The following PCDH15 variants were observed in gnomAD, a reference collection of about 807,000 sequenced individuals.
PCDH15 encodes the protein protocadherin related 15, also known as protocadherin-15.
Under a neutral mutation model 178.5 loss-of-function variants are expected in PCDH15, and 129 were observed. The observed-to-expected ratio is 0.72, with a 90% CI of 0.63 to 0.84. The LOEUF (loss-of-function observed/expected upper bound fraction) is 0.84, where lower values mean the gene tolerates loss of function less well. PCDH15 is among the 40% of genes least tolerant of loss of function. The pLI is 0.00. For synonymous variants in PCDH15, 800 were observed against 732.0 expected (o/e 1.09, Z -1.50); for missense variants, 2,230 against 2,099.9 (o/e 1.06, Z -1.21).
At chr10:54,189,925 A>ATGTG (rs57024579) in intron 11 of PCDH15, among the ~76,000 whole-genome samples, 13,291 of 141,394 alleles carry the variant, frequency 0.094, 646 homozygotes, top group Non-Finnish European at 0.12. Context: ...ATGCATGTGT[A>ATGTG]TGTGTGTGTG....
Position 54,442,417 on chromosome 10 carries a change from TATATATATATA to T in PCDH15, c.158-63486_158-63476del, listed in dbSNP as rs2075858795. ...AAAAAAAAAAAGGCCTTAAAGGCTA[TATATATATATA>T]TATATATATATATATATATATATAT... On this transcript the variant is annotated intron_variant, in intron 3 of 37. Coordinates refer to ENST00000644397, the MANE Select transcript of PCDH15 (RefSeq NM_001384140.1). Among the ~76,000 whole-genome samples the T allele has an allele frequency of 2.4e-3, 144 of 60,738 alleles. 10 individuals are homozygous for T. Among genetic ancestry groups the T allele is most frequent in the Middle Eastern group, 9.8e-3 (1 of 102 alleles). The allele number at this position is 60,738 out of a possible 152,430, so 39.8% of individuals were successfully genotyped here.
chr10:55,567,881 A>G (rs972443404), intron 2 of PCDH15, among the ~76,000 whole-genome samples: 2 of 151,978 alleles, frequency 1.3e-5, no homozygotes, highest in African/African-American at 4.8e-5. Flanking sequence ...GCCCATACCC[A>G]TTTAGGATGG....
intron 6 of PCDH15, 107 bp downstream of exon 6, chr10:54,346,258 C>T: frequency 9.5e-7 from 1 of 1,053,768 alleles, no homozygotes. Flanking sequence ...AGTATCATTA[C>T]TAATCTGGTT....
At chr10:54,822,406 G>A (rs1056807518) in intron 3 of PCDH15, among the ~76,000 whole-genome samples, 4 of 152,006 alleles carry the variant, frequency 2.6e-5, no homozygotes, top group Non-Finnish European at 4.4e-5. Context: ...CATGAGTCTC[G>A]CTTATTTCAC....
chr10:54,730,133 G>A (rs190216715), intron 1 of PCDH15, among the ~76,000 whole-genome samples: 15 of 151,644 alleles, frequency 9.9e-5, no homozygotes, highest in Admixed American at 8.6e-4. Context: ...TAGTAACGAA[G>A]ACATGGAATC....
chr10:54,713,700 T>A (rs2095448388), intron 1 of PCDH15, among the ~76,000 whole-genome samples: 1 of 152,124 alleles, frequency 6.6e-6, no homozygotes, highest in African/African-American at 2.4e-5. Context: ...CATTTTAATA[T>A]ATCTGGCCAT....
At chr10:53,955,326 A>G (rs930466817) in intron 23 of PCDH15, among the ~76,000 whole-genome samples, 2 of 152,200 alleles carry the variant, frequency 1.3e-5, no homozygotes, top group Admixed American at 6.5e-5. Flanking sequence ...GTTTCCTATT[A>G]CAGTGACCTA....
chr10:53,983,221 T>G (rs2090815647), intron 21 of PCDH15, among the ~76,000 whole-genome samples: 1 of 151,430 alleles, frequency 6.6e-6, no homozygotes, highest in South Asian at 2.1e-4. Context: ...GTGGTTTGGG[T>G]GTGTGTGTGT....
At chr10:54,943,427 T>A (rs749118857) in intron 2 of PCDH15, among the ~76,000 whole-genome samples, 10 of 152,000 alleles carry the variant, frequency 6.6e-5, no homozygotes, top group Non-Finnish European at 1.0e-4. Context: ...AGGAAGTGGG[T>A]ACTATTTTTA....
intron 3 of PCDH15, among the ~76,000 whole-genome samples, chr10:54,391,530 A>G (rs1219460225): frequency 2.0e-5 from 3 of 152,122 alleles, no homozygotes; most frequent in African/African-American, 7.2e-5. Context: ...TAGGGGAACT[A>G]TAAGAGGTAA....
intron 15 of PCDH15, among the ~76,000 whole-genome samples, chr10:54,125,637 C>T (rs893726626): frequency 1.3e-5 from 2 of 152,040 alleles, no homozygotes; most frequent in Admixed American, 6.5e-5. Context: ...GGTAGAACAG[C>T]TTGCATTCTA....
intron 25 of PCDH15, among the ~76,000 whole-genome samples, chr10:53,921,736 T>G (rs914291592): frequency 7.2e-5 from 11 of 152,154 alleles, no homozygotes; most frequent in African/African-American, 2.4e-4. Context: ...CTATTCAATT[T>G]CTCTCTTGCT....
chr10:54,748,198 A>G lies in PCDH15; in HGVS notation c.-29+52727T>C, dbSNP rs142075357. ...TTAGATTAATAGGATGCTTTGAGAA[A>G]ATAAACTTCATGTTACTTTTGAGAA... On this transcript the variant is annotated intron_variant, in intron 1 of 37. Coordinates refer to ENST00000644397, the MANE Select transcript of PCDH15 (RefSeq NM_001384140.1). 6.5e-3 allele frequency among the ~76,000 whole-genome samples: 983 copies of G among 152,346 alleles called. 1 individual carries two copies. The highest frequency in any genetic ancestry group is 8.0e-3 in the Non-Finnish European group (543 of 68,042).
At chr10:54,730,575 T>C (rs921681194) in intron 1 of PCDH15, among the ~76,000 whole-genome samples, 2 of 151,436 alleles carry the variant, frequency 1.3e-5, no homozygotes, top group Admixed American at 1.3e-4. Context: ...CATAAGAAAG[T>C]AATCAAAGTA....
intron 2 of PCDH15, among the ~76,000 whole-genome samples, chr10:55,103,534 T>C (rs1418287098): frequency 6.6e-6 from 1 of 152,200 alleles, no homozygotes; most frequent in Admixed American, 6.6e-5. Context: ...AAGTCATGTA[T>C]AACATCTGGA....
intron 4 of PCDH15, among the ~76,000 whole-genome samples, chr10:54,369,615 A>G (rs1947338664): frequency 6.6e-6 from 1 of 152,018 alleles, no homozygotes; most frequent in African/African-American, 2.4e-5. Flanking sequence ...TTTTAATTTG[A>G]AGAAAGTGTT....
At chr10:54,697,515 G>GTGTATATATATATATATATATATATATA (rs1555156234) in intron 1 of PCDH15, among the ~76,000 whole-genome samples, 9 of 143,048 alleles carry the variant, frequency 6.3e-5, no homozygotes, top group African/African-American at 2.4e-4. Context: ...TGAAATGTGT[G>GTGTATATATATATATATATATATATATA]TATATATATA....
chr10:54,855,429 TC>T (rs1307903977), intron 3 of PCDH15, among the ~76,000 whole-genome samples: 1 of 152,202 alleles, frequency 6.6e-6, no homozygotes, highest in African/African-American at 2.4e-5. Context: ...ATGGGGCCAC[TC>T]CTGATGGTTA....
At chr10:55,555,830 T>G (rs186953836) in intron 2 of PCDH15, among the ~76,000 whole-genome samples, 1 of 152,084 alleles carries the variant, frequency 6.6e-6, no homozygotes, top group Non-Finnish European at 1.5e-5. Flanking sequence ...GCCATACAGA[T>G]GATGAATAAA....
Sources: allele counts gnomAD v4.1 joint callset (sites outside exome capture counted in the v4.1 genomes callset), GRCh38; gene constraint gnomAD v4.1.1; transcripts MANE v1.5; gene names NCBI Gene and HGNC (gene_info 2026-07-23, HGNC 2026-07-21).